The following DEPTOR variants were observed in gnomAD, a reference collection of about 807,000 sequenced individuals.
The protein encoded by DEPTOR is DEP domain containing MTOR interacting protein, also known as DEP domain-containing mTOR-interacting protein.
Under a neutral mutation model 41.6 loss-of-function variants are expected in DEPTOR, and 41 were observed. That is an observed-to-expected ratio of 0.98 (90% CI 0.77 to 1.28). The LOEUF is 1.28. Ranked by LOEUF, DEPTOR falls within the 50% of genes most tolerant of loss-of-function variation. The pLI is 0.00. For missense variants in DEPTOR, 514 were observed against 527.9 expected (o/e 0.97, Z 0.26); for synonymous variants, 195 against 192.3 (o/e 1.01, Z -0.12).
At chr8:120,009,327 G>T (rs1812495811) in intron 8 of DEPTOR, among the ~76,000 whole-genome samples, 194 bp downstream of exon 8, 1 of 152,054 alleles carries the variant, frequency 6.6e-6, no homozygotes, top group South Asian at 2.1e-4. Context: ...ATTTAGAAGT[G>T]TCTAGCCAGG....
intron 4 of DEPTOR, among the ~76,000 whole-genome samples, chr8:119,973,390 C>T (rs1016611457): frequency 2.6e-5 from 4 of 152,146 alleles, no homozygotes; most frequent in African/African-American, 9.7e-5. Flanking sequence ...CTCACCACCA[C>T]ACCCGGCTAA....
At chr8:119,899,009 A>G (rs1201282399) in intron 1 of DEPTOR, among the ~76,000 whole-genome samples, 1 of 152,166 alleles carries the variant, frequency 6.6e-6, no homozygotes, top group Non-Finnish European at 1.5e-5. Context: ...GACCACATGT[A>G]TTGTTGTTTT....
chr8:119,874,774 T>C (rs1226037897), intron 1 of DEPTOR, among the ~76,000 whole-genome samples: 1 of 152,138 alleles, frequency 6.6e-6, no homozygotes, highest in East Asian at 1.9e-4. Context: ...GCCATTCCCA[T>C]CCCTGTATGG....
chr8:119,877,438 G>A (rs1448589973), intron 1 of DEPTOR, among the ~76,000 whole-genome samples: 2 of 151,874 alleles, frequency 1.3e-5, no homozygotes, highest in East Asian at 3.9e-4. Context: ...AGTCATTCTT[G>A]TCACTTTCAC....
chr8:119,941,230 A>G (rs141036846), intron 3 of DEPTOR, among the ~76,000 whole-genome samples: 2,381 of 152,074 alleles, frequency 0.016, 65 homozygotes, highest in African/African-American at 0.055. Flanking sequence ...AAAATTAGCC[A>G]GGCATGGTGG....
chr8:119,936,131 C>G lies in DEPTOR; in HGVS notation c.425+6193C>G, dbSNP rs149761621. Among the ~76,000 whole-genome samples the G allele has an allele frequency of 1.0e-2, 1,516 of 151,978 alleles. 19 individuals carry two copies. The highest frequency in any genetic ancestry group is 0.027 in the Middle Eastern group (8 of 292). On this transcript the variant is annotated intron_variant, in intron 3 of 8. Coordinates refer to ENST00000286234, the MANE Select transcript of DEPTOR (RefSeq NM_022783.4). ...TGATGAAGAATTGGCTTAACAAGCC[C>G]GTATGCCATTAGATGTCTATTGAAT...
chr8:119,919,898 T>C (rs1310364492), intron 1 of DEPTOR, among the ~76,000 whole-genome samples: 2 of 152,210 alleles, frequency 1.3e-5, no homozygotes, highest in African/African-American at 4.8e-5. Context: ...AATTTCTACA[T>C]TTCTTATCAG....
In DEPTOR at chr8:120,044,426, G is replaced by A. The variant is rs568652822; in HGVS notation, c.1102-5150G>A. On this transcript the variant is annotated intron_variant, in intron 8 of 8. Transcript: ENST00000286234. The stretch of plus-strand genomic sequence containing the variant: ...AGGCATGAGCCACCGTGCCTAGCCT[G>A]GAGAACCAAGCTTGATAAAGGACAG... 6.6e-5 allele frequency among the ~76,000 whole-genome samples: 10 copies of A among 152,168 alleles called. No individual in the cohort carries two copies. The South Asian group carries it at 1.9e-3, about 28-fold the overall frequency.
chr8:119,999,047 T>C (rs1271051265), intron 4 of DEPTOR, among the ~76,000 whole-genome samples: 1 of 151,718 alleles, frequency 6.6e-6, no homozygotes, highest in Admixed American at 6.6e-5. Flanking sequence ...GCAGATCACC[T>C]GAGGTTGGGA....
intron 6 of DEPTOR, among the ~76,000 whole-genome samples, chr8:120,004,484 C>CAA (rs1812403616): frequency 6.6e-6 from 1 of 152,104 alleles, no homozygotes. Flanking sequence ...AAGTTAAAAG[C>CAA]AAAAGATCTC....
At chr8:119,925,608 G>C (rs542329977) in intron 1 of DEPTOR, among the ~76,000 whole-genome samples, 1 of 152,136 alleles carries the variant, frequency 6.6e-6, no homozygotes, top group East Asian at 1.9e-4. Context: ...ATCAGCCCCA[G>C]TGTCTATTGT....
At chr8:119,957,466 C>T (rs1373251393) in intron 3 of DEPTOR, among the ~76,000 whole-genome samples, 4 of 151,934 alleles carry the variant, frequency 2.6e-5, no homozygotes, top group Non-Finnish European at 2.9e-5. Flanking sequence ...AAACTGAGGA[C>T]GCTAGTTTTT....
intron 3 of DEPTOR, among the ~76,000 whole-genome samples, chr8:119,941,435 C>T (rs1828202618): frequency 6.8e-6 from 1 of 146,988 alleles, no homozygotes; most frequent in Non-Finnish European, 1.5e-5. Flanking sequence ...TATATTTTAC[C>T]ACAATAAAAA....
intron 1 of DEPTOR, among the ~76,000 whole-genome samples, chr8:119,891,675 T>C (rs1455362862): frequency 1.3e-5 from 2 of 152,120 alleles, no homozygotes; most frequent in East Asian, 3.9e-4. Context: ...TAAAGTAAAA[T>C]AGAGCTCTCA....
At chr8:119,999,847 A>T (rs1812321368) in intron 4 of DEPTOR, among the ~76,000 whole-genome samples, 1 of 152,214 alleles carries the variant, frequency 6.6e-6, no homozygotes, top group Non-Finnish European at 1.5e-5. Flanking sequence ...GAGGGGAAAC[A>T]CAGGGAGAGA....
intron 4 of DEPTOR, among the ~76,000 whole-genome samples, chr8:119,995,078 A>G (rs945827710): frequency 7.2e-5 from 11 of 152,220 alleles, no homozygotes; most frequent in African/African-American, 2.4e-4. Context: ...TGTGAAGTCA[A>G]TCTTTAGAAG....
At chr8:119,926,037 A>G (rs1334589249) in intron 1 of DEPTOR, among the ~76,000 whole-genome samples, 3 of 152,234 alleles carry the variant, frequency 2.0e-5, no homozygotes, top group Non-Finnish European at 4.4e-5. Flanking sequence ...GATGCCAATT[A>G]AAAACATTTA....
chr8:120,036,859 C>T (rs753135617), intron 8 of DEPTOR, among the ~76,000 whole-genome samples: 3 of 152,176 alleles, frequency 2.0e-5, no homozygotes, highest in African/African-American at 4.8e-5. Flanking sequence ...AATTCCTTAA[C>T]GGAATTTGAC....
chr8:119,939,544 T>C (rs926309197), intron 3 of DEPTOR, among the ~76,000 whole-genome samples: 2 of 152,118 alleles, frequency 1.3e-5, no homozygotes, highest in Non-Finnish European at 1.5e-5. Context: ...CTGGAGTGCA[T>C]TGGTGCGATC....
Sources: allele counts gnomAD v4.1 joint callset (sites outside exome capture counted in the v4.1 genomes callset), GRCh38; gene constraint gnomAD v4.1.1; transcripts MANE v1.5; gene names NCBI Gene and HGNC (gene_info 2026-07-23, HGNC 2026-07-21).